The following BHMT2 variants were observed in gnomAD, a reference collection of about 807,000 sequenced individuals.
BHMT2 encodes the protein betaine--homocysteine S-methyltransferase 2.
A neutral mutation model predicts 39.0 loss-of-function variants in BHMT2; 28 were observed. That is an observed-to-expected ratio of 0.72 (90% confidence interval 0.53 to 0.98). The LOEUF (loss-of-function observed/expected upper bound fraction) is 0.98, where lower values mean the gene tolerates loss of function less well. Among genes scored for constraint, BHMT2 ranks in the 50% least tolerant of loss-of-function variants. The pLI is 0.00. For missense variants in BHMT2, 410 were observed against 455.6 expected (o/e 0.90, Z 0.91); for synonymous variants, 145 against 160.6 (o/e 0.90, Z 0.74).
At position 79,079,376 on chromosome 5, in the gene BHMT2, A is replaced by C. The variant is rs774337484; in HGVS notation, c.174A>C (p.Gln58His). ...AVIEHPDAVR[Q>H]LHMEFLRAGS... ...AACCCAACTACTTTGTAGTTCGTCA[A>C]CTTCACATGGAATTCTTGAGAGCAG... is the stretch of plus-strand genomic sequence containing the variant. Residue 58 changes from glutamine (Q) to histidine (H), a missense_variant, in exon 3 of 8, where the codon CAA becomes CAC. By Grantham distance (24) the Gln-to-His change is conservative. Transcript: ENST00000255192. The C allele has an allele frequency of 5.0e-6, 8 of 1,612,190 alleles. No individual in the cohort carries two copies. In the South Asian group the frequency reaches 8.8e-5, roughly 18 times the overall value.
chr5:79,083,113 C>G lies in BHMT2; in HGVS notation c.599-79C>G. ...TGGGAGGTGGAGGGGAATGGCTAACCTCTAAGGTACCTTCCAACTATTAAA... is the reference window on the plus strand; with the variant it reads ...TGGGAGGTGGAGGGGAATGGCTAACGTCTAAGGTACCTTCCAACTATTAAA... On this transcript the variant is annotated intron_variant, in intron 5 of 7. Transcript: ENST00000255192. The G allele has an allele frequency of 1.9e-6, 3 of 1,587,632 alleles. No individual in the cohort carries two copies. The South Asian group carries it at 3.4e-5, about 18-fold the overall frequency.
chr5:79,079,513 C>G (rs1755743301), intron 3 of BHMT2, 53 bp downstream of exon 3: 5 of 1,260,272 alleles, frequency 4.0e-6, no homozygotes, highest in Non-Finnish European at 4.6e-6. Context: ...AAAAAATAAC[C>G]TCTTCATGGG....
Position 79,089,842 on chromosome 5 carries a change from G to C in BHMT2, c.*1268G>C, listed in dbSNP as rs1428026676. ...AAATTATCCAGGCATGGTGGTGCAT[G>C]CCTGTAATCCCAGCTACTTGGAGGC... is the stretch of plus-strand genomic sequence containing the variant. On this transcript the variant is annotated 3_prime_UTR_variant, in exon 8 of 8. Coordinates refer to ENST00000255192, the MANE Select transcript of BHMT2 (RefSeq NM_017614.5). 6.6e-6 allele frequency among the ~76,000 whole-genome samples: 1 copy of C among 152,150 alleles called. No homozygotes were observed. Among genetic ancestry groups the C allele is most frequent in the Non-Finnish European group, 1.5e-5 (1 of 68,034 alleles).
intron 1 of BHMT2, among the ~76,000 whole-genome samples, chr5:79,076,424 C>G (rs1055704859): frequency 6.6e-6 from 1 of 152,088 alleles, no homozygotes; most frequent in African/African-American, 2.4e-5. Flanking sequence ...GGCGCAAAAA[C>G]AGGAGTGCCT....
rs763331564 is a variant in BHMT2, at chr5:79,088,519, T to G, written c.1037T>G (p.Leu346Arg). 1.9e-6 allele frequency: 3 copies of G among 1,614,152 alleles called. No individual in the cohort carries two copies. The highest frequency in any genetic ancestry group is 1.7e-6 in the Non-Finnish European group (2 of 1,179,992). ...ARARREYWEN[L>R]LPASGRPFCP... ...GCTCGAAGGGAGTATTGGGAGAATC[T>G]GCTGCCAGCTTCAGGCAGACCTTTC... is the stretch of plus-strand genomic sequence containing the variant. The change falls in exon 8 of 8, where the codon CTG becomes CGG. Residue 346 changes from leucine to arginine, a missense_variant. By Grantham distance (102) the Leu-to-Arg change is moderately radical. Coordinates refer to ENST00000255192, the MANE Select transcript of BHMT2 (RefSeq NM_017614.5).
In BHMT2 at chr5:79,089,520, G is replaced by A. The variant is rs369459735; in HGVS notation, c.*946G>A. 2 of 151,978 alleles carry A rather than the reference G, an allele frequency of 1.3e-5. No individual in the cohort carries two copies. Among genetic ancestry groups the A allele is most frequent in the African/African-American group, 4.8e-5 (2 of 41,382 alleles). The allele number at this position is 151,978 out of a possible 1,614,324, so 9.4% of individuals were successfully genotyped here. On this transcript the variant is annotated 3_prime_UTR_variant, in exon 8 of 8. Coordinates refer to ENST00000255192, the MANE Select transcript of BHMT2 (RefSeq NM_017614.5). ...TGTCTTCATAATCATAGGTAGCTAGGTTATAAACTATTTAAAGACAAGATC... is the reference window on the plus strand; with the variant it reads ...TGTCTTCATAATCATAGGTAGCTAGATTATAAACTATTTAAAGACAAGATC...
In BHMT2 at chr5:79,088,668, C is replaced by T; in HGVS notation, c.*94C>T. On this transcript the variant is annotated 3_prime_UTR_variant, in exon 8 of 8. Coordinates refer to ENST00000255192, the MANE Select transcript of BHMT2 (RefSeq NM_017614.5). ...GTTCCTCACCTTCATCCTCACCATGCCCTGCTATCTCCAGCTGCTGAGCAG... is the reference window on the plus strand; with the variant it reads ...GTTCCTCACCTTCATCCTCACCATGTCCTGCTATCTCCAGCTGCTGAGCAG... 1 of 948,980 alleles carries T rather than the reference C, an allele frequency of 1.1e-6. No individual in the cohort carries two copies. Among genetic ancestry groups the T allele is most frequent in the Non-Finnish European group, 1.6e-6 (1 of 609,688 alleles). 58.8% of individuals were successfully genotyped at this position (948,980 alleles called of 1,614,324 possible). A position where few individuals can be genotyped will look rare whatever the true frequency, so the allele number is the denominator to read the frequency against.
Position 79,077,591 on chromosome 5 carries a change from GTGA to G in BHMT2, c.147_149del (p.Ile50del), listed in dbSNP as rs1176247272. 1 of 1,613,944 alleles carries G rather than the reference GTGA, an allele frequency of 6.2e-7. No individual in the cohort carries two copies. Among genetic ancestry groups the G allele is most frequent in the Admixed American group, 1.7e-5 (1 of 60,002 alleles). ...GGCTGGGCTCTGGACTCCAGAGGCA[GTGA>G]TAGAACACCCAGACGCAGGTTGGTG... On this transcript the variant is annotated inframe_deletion, in exon 2 of 8. Transcript: ENST00000255192.
rs549661001 is a variant in BHMT2 at position 79,085,095 on chromosome 5, GT to G, written c.1010+1241del. On this transcript the variant is annotated intron_variant, in intron 7 of 7. Coordinates refer to ENST00000255192, the MANE Select transcript of BHMT2 (RefSeq NM_017614.5). ...TATAACCATTTTGTTCTATTCTATA[GT>G]TATAATTGTCTTTCAAGCTTTCTCT... Among the ~76,000 whole-genome samples the G allele has an allele frequency of 2.1e-3, 316 of 152,102 alleles. 1 individual carries two copies. The highest frequency in any genetic ancestry group is 7.0e-3 in the African/African-American group (289 of 41,472).
Position 79,080,890 on chromosome 5 carries a change from AT to A in BHMT2, c.450+14del. On this transcript the variant is annotated intron_variant, in intron 4 of 7. Coordinates refer to ENST00000255192, the MANE Select transcript of BHMT2 (RefSeq NM_017614.5). Reference sequence around the variant, plus strand: ...TCTTGATTGCAGAGGTGAGGCTAGTATTGGAGGAAAAGGATTGAACCTATTT... The same window carrying A: ...TCTTGATTGCAGAGGTGAGGCTAGTATGGAGGAAAAGGATTGAACCTATTT... The A allele has an allele frequency of 6.4e-7, 1 of 1,558,342 alleles. No homozygotes were observed. The highest frequency in any genetic ancestry group is 8.6e-7 in the Non-Finnish European group (1 of 1,158,626).
intron 4 of BHMT2, chr5:79,082,543 TTTC>T (rs1167231351): frequency 1.5e-5 from 4 of 270,390 alleles, no homozygotes; most frequent in Middle Eastern, 1.1e-3. Flanking sequence ...CTGGGTGTGT[TTTC>T]TTCTTTTTTA....
chr5:79,071,475 G>A (rs986308762), intron 1 of BHMT2, among the ~76,000 whole-genome samples: 3 of 152,200 alleles, frequency 2.0e-5, no homozygotes, highest in Non-Finnish European at 2.9e-5. Context: ...CCTAGAGCTC[G>A]CTGTCAGATG....
chr5:79,077,331 C>T (rs1755690172), intron 1 of BHMT2, 149 bp from the exon 2 acceptor site: 1 of 1,058,194 alleles, frequency 9.5e-7, no homozygotes, highest in African/African-American at 1.6e-5. Flanking sequence ...ATGGTATGCT[C>T]AATCTTTCTG....
At chr5:79,083,163 T>C (rs1393728462) in intron 5 of BHMT2, 29 bp from the exon 6 acceptor site, 1 of 1,606,796 alleles carries the variant, frequency 6.2e-7, no homozygotes, top group South Asian at 1.1e-5. Flanking sequence ...AAATAAATAA[T>C]AAAATGTAAG....
intron 1 of BHMT2, chr5:79,071,202 T>C (rs1038434470): frequency 2.0e-5 from 3 of 152,210 alleles, no homozygotes; most frequent in African/African-American, 7.2e-5. Flanking sequence ...CTCACCTCTC[T>C]CCTCAGCTAG....
At position 79,082,871 on chromosome 5, in the gene BHMT2, C is replaced by A. The variant is rs763181010; in HGVS notation, c.513C>A (p.Pro171=). The A allele has an allele frequency of 6.2e-7, 1 of 1,614,064 alleles. No individual in the cohort carries two copies. The highest frequency in any genetic ancestry group is 2.2e-5 in the East Asian group (1 of 44,878). The change falls in exon 5 of 8, where the codon CCC becomes CCA. Residue 171 remains proline, a synonymous_variant. Transcript: ENST00000255192. The part of the protein sequence containing the change: ...AVEVLKESDR[P]VAVTMCIGPE... The stretch of plus-strand genomic sequence containing the variant: ...AAGTCTTAAAAGAATCAGATAGACC[C>A]GTGGCAGTTACCATGTGCATAGGCC...
intron 2 of BHMT2, among the ~76,000 whole-genome samples, chr5:79,078,545 A>T (rs1019090491): frequency 5.3e-5 from 8 of 152,214 alleles, no homozygotes; most frequent in Non-Finnish European, 5.9e-5. Flanking sequence ...GTGACCTTGG[A>T]CAAGTCACTT....
At chr5:79,074,503 T>C (rs1305798981) in intron 1 of BHMT2, among the ~76,000 whole-genome samples, 4 of 152,232 alleles carry the variant, frequency 2.6e-5, no homozygotes, top group Non-Finnish European at 5.9e-5. Context: ...TTCCCTCTTA[T>C]TCTTTATTGC....
chr5:79,080,851 GA>G lies in BHMT2; in HGVS notation c.428del (p.Asn143MetfsTer5). The G allele has an allele frequency of 6.3e-7, 1 of 1,596,352 alleles. No homozygotes were observed. The part of the protein sequence containing the change: ...FRQQLEVFAW[K>X]NVDFLIAEYF... ...GACAACAGCTAGAAGTTTTTGCCTG[GA>G]AAAATGTGGACTTCTTGATTGCAGA... On this transcript the variant is annotated frameshift_variant, in exon 4 of 8. Coordinates refer to ENST00000255192, the MANE Select transcript of BHMT2 (RefSeq NM_017614.5). LOFTEE classifies it high-confidence loss of function.
Sources: allele counts gnomAD v4.1 joint callset (sites outside exome capture counted in the v4.1 genomes callset), GRCh38; gene constraint gnomAD v4.1.1; transcripts MANE v1.5; gene names NCBI Gene and HGNC (gene_info 2026-07-23, HGNC 2026-07-21).